Variants in ATP11C observed in about 807,000 individuals in gnomAD.
ATP11C encodes ATPase phospholipid transporting 11C (ATP11C blood group), also known as phospholipid-transporting ATPase IG.
ATP11C carries 36 observed loss-of-function variants against 97.4 expected under a neutral mutation model. The observed-to-expected ratio is 0.37, with a 90% CI of 0.28 to 0.49. The LOEUF is 0.49. ATP11C is among the 20% of genes least tolerant of loss of function. The pLI is 0.98. For missense variants in ATP11C, 730 were observed against 824.6 expected, an observed-to-expected ratio of 0.89 and a Z score of 1.40; for synonymous variants, 275 against 290.9, an observed-to-expected ratio of 0.95 and a Z score of 0.56.
At chrX:139,903,878 C>T (rs1476284469) in intron 1 of ATP11C, among the ~76,000 whole-genome samples, 2 of 110,728 alleles carry the variant, frequency 1.8e-5, no homozygotes, top group Admixed American at 1.9e-4. Flanking sequence ...TTTTATAGAA[C>T]ACCGGTTTTC....
At chrX:139,814,855 A>C in intron 5 of ATP11C, 23 bp downstream of exon 5, 2 of 939,061 alleles carry the variant, frequency 2.1e-6, no homozygotes, top group Non-Finnish European at 3.0e-6. Context: ...CCATTAAAAA[A>C]GGAGTGGACT....
chrX:139,931,949 G>A, intron 1 of ATP11C, 67 bp downstream of exon 1: 2 of 1,111,174 alleles, frequency 1.8e-6, no homozygotes, highest in East Asian at 3.4e-5. Context: ...ATTGTTGTGA[G>A]GGACCCGGCG....
chrX:139,899,154 A>G (rs780785866), intron 1 of ATP11C, among the ~76,000 whole-genome samples: 1 of 111,436 alleles, frequency 9.0e-6, no homozygotes, highest in African/African-American at 3.3e-5. Context: ...AAACTGTCAT[A>G]GCCAAGAAGA....
At chrX:139,896,546 TACACACACACACACACACACACAC>T (rs61153084) in intron 1 of ATP11C, among the ~76,000 whole-genome samples, 5 of 79,810 alleles carry the variant, frequency 6.3e-5, no homozygotes, top group African/African-American at 1.9e-4. Context: ...GTTAATTTTA[TACACACACACACACACACACACAC>T]ACACACACAC....
chrX:139,775,981 G>A (rs2082340839), intron 18 of ATP11C, among the ~76,000 whole-genome samples: 1 of 112,745 alleles, frequency 8.9e-6, no homozygotes, highest in Admixed American at 9.3e-5. Context: ...GGAGCTATGG[G>A]ATCCCTGGAG....
chrX:139,845,326 G>A (rs964179227), intron 1 of ATP11C, among the ~76,000 whole-genome samples: 2 of 112,199 alleles, frequency 1.8e-5, no homozygotes, highest in Non-Finnish European at 3.8e-5. Flanking sequence ...AACCCCTACA[G>A]AGATTTGCTT....
intron 2 of ATP11C, among the ~76,000 whole-genome samples, chrX:139,820,355 G>A (rs1348762712): frequency 9.1e-6 from 1 of 110,233 alleles, no homozygotes; most frequent in Admixed American, 9.7e-5. Flanking sequence ...GAGCTGATAT[G>A]GTGCCACTGC....
At chrX:139,832,162 C>G (rs2083664175) in intron 1 of ATP11C, 2 of 1,207,570 alleles carry the variant, frequency 1.7e-6, no homozygotes, top group African/African-American at 3.5e-5. Context: ...ACCTCAGAGG[C>G]TGGAGGGAGA....
rs1011935139 is a variant in ATP11C at position 139,917,573 on chromosome X, C to T, written c.27+14443G>A. ...TCTCAAAAGATGACATACAAATGGC[C>T]AAAAAACATAGGAAATGATGCTCAC... On this transcript the variant is annotated intron_variant, in intron 1 of 29. Transcript: ENST00000682941. Among the ~76,000 whole-genome samples the T allele has an allele frequency of 5.4e-5, 6 of 111,392 alleles. No individual in the cohort carries two copies. In the Admixed American group the frequency reaches 5.8e-4, roughly 11 times the overall value.
chrX:139,924,984 C>G (rs1390600618), intron 1 of ATP11C, among the ~76,000 whole-genome samples: 1 of 111,575 alleles, frequency 9.0e-6, no homozygotes, highest in Non-Finnish European at 1.9e-5. Context: ...TTTTGAGGAC[C>G]TCTGTCACAA....
chrX:139,839,927 C>T (rs1446142324), intron 1 of ATP11C, among the ~76,000 whole-genome samples: 3 of 110,717 alleles, frequency 2.7e-5, no homozygotes, highest in Non-Finnish European at 5.7e-5. Flanking sequence ...CTGTTTCCCT[C>T]GGCATAGAAT....
intron 1 of ATP11C, among the ~76,000 whole-genome samples, chrX:139,921,399 T>A (rs753888214): frequency 9.0e-6 from 1 of 111,505 alleles, no homozygotes; most frequent in South Asian, 3.8e-4. Flanking sequence ...TTCTCCTTCC[T>A]GCCACCTTGT....
chrX:139,772,446 C>A (rs1159546271), intron 19 of ATP11C, among the ~76,000 whole-genome samples: 1 of 111,498 alleles, frequency 9.0e-6, no homozygotes, highest in Non-Finnish European at 1.9e-5. Flanking sequence ...AAGAGGGCCA[C>A]CATCCTCCAG....
intron 18 of ATP11C, 135 bp from the exon 19 acceptor site, chrX:139,775,088 T>C (rs1401649147): frequency 4.9e-6 from 3 of 607,947 alleles, no homozygotes; most frequent in South Asian, 5.0e-5. Context: ...TTGACTTTCA[T>C]ATACATCCCC....
intron 1 of ATP11C, among the ~76,000 whole-genome samples, chrX:139,904,420 C>A (rs772416002): frequency 1.0e-4 from 11 of 110,407 alleles, no homozygotes; most frequent in Non-Finnish European, 2.1e-4. Context: ...TCCAGCTACT[C>A]GGGAGGTTGA....
chrX:139,808,575 T>C (rs1250220066), intron 5 of ATP11C, among the ~76,000 whole-genome samples: 1 of 111,238 alleles, frequency 9.0e-6, no homozygotes, highest in Non-Finnish European at 1.9e-5. Context: ...ATCTTTAAAG[T>C]ACTGAAAGAA....
chrX:139,877,828 C>G (rs1410075218), intron 1 of ATP11C, among the ~76,000 whole-genome samples: 2 of 111,939 alleles, frequency 1.8e-5, no homozygotes, highest in Non-Finnish European at 3.8e-5. Context: ...TCGAGACCAG[C>G]CAGGCAAAAG....
intron 1 of ATP11C, among the ~76,000 whole-genome samples, chrX:139,866,101 T>G (rs980701772): frequency 1.8e-5 from 2 of 110,516 alleles, no homozygotes; most frequent in Non-Finnish European, 3.8e-5. Flanking sequence ...ATAGCAGCAC[T>G]TTGGCAGGCT....
intron 1 of ATP11C, among the ~76,000 whole-genome samples, chrX:139,924,893 T>G (rs899644201): frequency 3.6e-5 from 4 of 112,012 alleles, no homozygotes; most frequent in African/African-American, 1.3e-4. Context: ...CTTTGCTCTG[T>G]ATCCTTTTGC....
Sources: gnomAD v4.1 joint callset for allele counts (sites outside exome capture counted in the v4.1 genomes callset) on GRCh38, gnomAD v4.1.1 for gene constraint, MANE v1.5 for transcripts, NCBI Gene and HGNC (gene_info 2026-07-23, HGNC 2026-07-21) for gene names.